FRMD3: variants seen among roughly 807,000 people sequenced by gnomAD.
FRMD3 encodes FERM domain-containing protein 3.
In FRMD3, 33 loss-of-function variants were observed where a neutral mutation model predicts 70.2. The ratio of observed to expected loss-of-function variants is 0.47; its 90% CI spans 0.36 to 0.63. The LOEUF (loss-of-function observed/expected upper bound fraction) is 0.63. Among genes scored for constraint, FRMD3 ranks in the 20% least tolerant of loss-of-function variants. The probability of loss-of-function intolerance (pLI) is 0.00; values close to 1 mark genes in which losing one functional copy is unlikely to be tolerated. For synonymous variants in FRMD3, 279 were observed against 255.9 expected (o/e 1.09, Z -0.86); for missense variants, 632 against 711.4 (o/e 0.89, Z 1.27).
chr9:83,331,925 T>C, intron 6 of FRMD3: 1 of 715,174 alleles, frequency 1.4e-6, no homozygotes, highest in South Asian at 1.5e-5. Flanking sequence ...CAGAGAGTTG[T>C]AAGCAGAAGT....
chr9:83,404,292 T>C (rs1162637788), intron 1 of FRMD3, among the ~76,000 whole-genome samples: 3 of 152,222 alleles, frequency 2.0e-5, no homozygotes, highest in African/African-American at 4.8e-5. Context: ...AAACTAAAAA[T>C]GTAGAGGAAG....
intron 1 of FRMD3, among the ~76,000 whole-genome samples, chr9:83,512,288 A>G (rs7043575): frequency 0.44 from 66,544 of 152,080 alleles, 15,102 homozygotes; most frequent in Non-Finnish European, 0.49. Context: ...CACTGGGGAT[A>G]TTCTAGACAC....
intron 12 of FRMD3, among the ~76,000 whole-genome samples, chr9:83,291,661 G>A (rs1413733496): frequency 6.6e-6 from 1 of 151,386 alleles, no homozygotes. Flanking sequence ...TCTCTGTCTA[G>A]TTATTGGTGT....
At chr9:83,393,441 G>A (rs557204898) in intron 1 of FRMD3, among the ~76,000 whole-genome samples, 41 of 152,268 alleles carry the variant, frequency 2.7e-4, no homozygotes, top group African/African-American at 5.1e-4. Context: ...TTTTTCCAAC[G>A]ACAGGGTGGT....
At chr9:83,250,765 G>A (rs908894229) in intron 13 of FRMD3, among the ~76,000 whole-genome samples, 2 of 152,208 alleles carry the variant, frequency 1.3e-5, no homozygotes, top group African/African-American at 4.8e-5. Flanking sequence ...GCTTTCTTAA[G>A]TGGGACCCCA....
chr9:83,319,085 T>A (rs868351076), intron 6 of FRMD3, among the ~76,000 whole-genome samples: 39 of 152,056 alleles, frequency 2.6e-4, no homozygotes, highest in Middle Eastern at 3.4e-3. Flanking sequence ...ATTTTTCCCA[T>A]TCTGTAGGTT....
chr9:83,472,506 G>A (rs1828292263), intron 1 of FRMD3, among the ~76,000 whole-genome samples: 2 of 152,098 alleles, frequency 1.3e-5, no homozygotes, highest in Non-Finnish European at 2.9e-5. Flanking sequence ...ACATTCTGGA[G>A]CCAGAAACAA....
At chr9:83,371,942 C>A (rs1824987353) in intron 3 of FRMD3, among the ~76,000 whole-genome samples, 1 of 152,184 alleles carries the variant, frequency 6.6e-6, no homozygotes, top group Non-Finnish European at 1.5e-5. Context: ...AGTTTGTCGT[C>A]CATGTTCAGT....
chr9:83,492,276 T>A (rs76601238), intron 1 of FRMD3, among the ~76,000 whole-genome samples: 8,398 of 152,300 alleles, frequency 0.055, 314 homozygotes, highest in East Asian at 0.19. Flanking sequence ...GCCTGGCTGA[T>A]GCAGAAGTGC....
chr9:83,411,743 T>C (rs772127014), intron 1 of FRMD3, among the ~76,000 whole-genome samples: 13 of 152,226 alleles, frequency 8.5e-5, no homozygotes, highest in Non-Finnish European at 1.6e-4. Flanking sequence ...TTTCATCTCA[T>C]CGAAAAGGAC....
intron 1 of FRMD3, among the ~76,000 whole-genome samples, chr9:83,428,582 A>T (rs1250697795): frequency 6.6e-6 from 1 of 151,912 alleles, no homozygotes; most frequent in Non-Finnish European, 1.5e-5. Context: ...TTTAGTCCTC[A>T]GTTCATTTAG....
At chr9:83,284,062 T>A (rs991642201) in intron 13 of FRMD3, among the ~76,000 whole-genome samples, 1 of 3,746 alleles carries the variant, frequency 2.7e-4, no homozygotes, top group Non-Finnish European at 2.3e-3. Context: ...TAGGATGTTA[T>A]TTTTTTTTTT....
At chr9:83,435,119 G>A (rs931142199) in intron 1 of FRMD3, among the ~76,000 whole-genome samples, 6 of 152,178 alleles carry the variant, frequency 3.9e-5, no homozygotes, top group Non-Finnish European at 7.4e-5. Context: ...GTGAGCCACC[G>A]TACCAGGCCG....
At chr9:83,347,070 T>C (rs1469942670) in intron 4 of FRMD3, among the ~76,000 whole-genome samples, 2 of 152,238 alleles carry the variant, frequency 1.3e-5, no homozygotes, top group African/African-American at 4.8e-5. Flanking sequence ...AGTTTGGCCA[T>C]GAAAAATAGT....
At chr9:83,500,600 G>A (rs2131512249) in intron 1 of FRMD3, among the ~76,000 whole-genome samples, 1 of 150,058 alleles carries the variant, frequency 6.7e-6, no homozygotes, top group African/African-American at 2.4e-5. Context: ...ATCATTAAGG[G>A]TAAGGCTCCT....
chr9:83,360,521 C>A (rs1351883599), intron 3 of FRMD3, among the ~76,000 whole-genome samples: 2 of 151,942 alleles, frequency 1.3e-5, no homozygotes, highest in Admixed American at 1.3e-4. Flanking sequence ...AGTTTTGAGT[C>A]GTGTGGGCCC....
At chr9:83,256,297 C>T (rs777043202) in intron 13 of FRMD3, among the ~76,000 whole-genome samples, 2 of 152,060 alleles carry the variant, frequency 1.3e-5, no homozygotes, top group Non-Finnish European at 1.5e-5. Flanking sequence ...ATAAATGGTG[C>T]TGGAAGTGCT....
At chr9:83,374,674 T>C (rs554713927) in intron 2 of FRMD3, among the ~76,000 whole-genome samples, 1 of 152,302 alleles carries the variant, frequency 6.6e-6, no homozygotes, top group African/African-American at 2.4e-5. Flanking sequence ...ATTTAAAAAG[T>C]TAACAAATGT....
chr9:83,259,113 C>T (rs1832862680), intron 13 of FRMD3, among the ~76,000 whole-genome samples: 1 of 151,986 alleles, frequency 6.6e-6, no homozygotes, highest in Non-Finnish European at 1.5e-5. Context: ...GGGTAGGGGT[C>T]GGGGATGCCA....
Sources: allele counts gnomAD v4.1 joint callset (sites outside exome capture counted in the v4.1 genomes callset), GRCh38; gene constraint gnomAD v4.1.1; transcripts MANE v1.5; gene names NCBI Gene and HGNC (gene_info 2026-07-23, HGNC 2026-07-21).